Variants in VSX2 observed in about 807,000 individuals in gnomAD.
The protein encoded by VSX2 is ceh-10 homeo domain containing homolog.
Under a neutral mutation model 32.1 loss-of-function variants are expected in VSX2, and 28 were observed. The ratio of observed to expected loss-of-function variants is 0.87; its 90% CI spans 0.65 to 1.20. The LOEUF (loss-of-function observed/expected upper bound fraction) is 1.20. Ranked by LOEUF, VSX2 falls within the 50% of genes most tolerant of loss-of-function variation. The probability of loss-of-function intolerance (pLI) is 0.00; values close to 1 mark genes in which losing one functional copy is unlikely to be tolerated. For synonymous variants in VSX2, 243 were observed against 214.1 expected (o/e 1.14, Z -1.18); for missense variants, 506 against 488.7 (o/e 1.04, Z -0.33).
chr14:74,241,224 C>A lies in VSX2; in HGVS notation c.413C>A (p.Ser138Tyr). ...TCCAGCGATCGAAAAATGTCCAAAT[C>A]TGCTTTAAACCAGACCAAGAAACGG... is the stretch of plus-strand genomic sequence containing the variant. ...VSSSDRKMSKSALNQTKKRKK... is the reference protein window; with the variant it reads ...VSSSDRKMSKYALNQTKKRKK... Residue 138 changes from serine to tyrosine, a missense_variant, in exon 2 of 5, where the codon TCT (serine) becomes TAT (tyrosine). By Grantham distance (144) the Ser-to-Tyr change is moderately radical (BLOSUM62 -2). Coordinates refer to ENST00000261980, the MANE Select transcript of VSX2 (RefSeq NM_182894.3). The A allele has an allele frequency of 6.2e-7, 1 of 1,613,498 alleles. No individual in the cohort carries two copies. Among genetic ancestry groups the A allele is most frequent in the African/African-American group, 1.3e-5 (1 of 75,074 alleles).
intron 3 of VSX2, among the ~76,000 whole-genome samples, chr14:74,255,211 C>T (rs1426879214): frequency 6.6e-6 from 1 of 152,174 alleles, no homozygotes; most frequent in African/African-American, 2.4e-5. Flanking sequence ...CTCAATGCTT[C>T]TGGTAAATAT....
intron 2 of VSX2, among the ~76,000 whole-genome samples, chr14:74,244,915 T>TGAGAGAGAGAAAGAGAGAGAGAAA (rs1426281346): frequency 2.3e-4 from 12 of 53,094 alleles, no homozygotes; most frequent in African/African-American, 2.8e-4. Context: ...TGTGTGTGTG[T>TGAGAGAGAGAAAGAGAGAGAGAAA]GTGTGTGTGT....
chr14:74,241,126 G>C (rs2079147103), intron 1 of VSX2, 56 bp from the exon 2 acceptor site: 4 of 1,583,418 alleles, frequency 2.5e-6, no homozygotes, highest in Non-Finnish European at 1.7e-6. Context: ...CGCGGGTTTC[G>C]GGCACAGCGG....
In VSX2 at chr14:74,241,172, C is replaced by T. The variant is rs1447929423; in HGVS notation, c.371-10C>T. 4 of 1,612,782 alleles carry T rather than the reference C, an allele frequency of 2.5e-6. No individual in the cohort carries two copies. The highest frequency in any genetic ancestry group is 2.7e-5 in the African/African-American group (2 of 74,944). On this transcript the variant is annotated splice_polypyrimidine_tract_variant and intron_variant, in intron 1 of 4. Transcript: ENST00000261980. ...CCACTCTGCCGCATGTCCCTACGCC[C>T]GCTTTTCAGATTCTGAAGATGTTTC... is the stretch of plus-strand genomic sequence containing the variant.
chr14:74,249,475 G>A (rs1284591435), intron 3 of VSX2, among the ~76,000 whole-genome samples: 1 of 152,126 alleles, frequency 6.6e-6, no homozygotes, highest in African/African-American at 2.4e-5. Flanking sequence ...TTGCCACGTT[G>A]GCCAGGCTGG....
In VSX2 at chr14:74,241,755, G is replaced by T. The variant is rs144818906; in HGVS notation, c.455+489G>T. On this transcript the variant is annotated intron_variant, in intron 2 of 4. Transcript: ENST00000261980. ...TCCCACCGTTCTCCAAAGCTGGAGCGATCTCTGCACTGACAGAGCATTTTC... is the reference window on the plus strand; with the variant it reads ...TCCCACCGTTCTCCAAAGCTGGAGCTATCTCTGCACTGACAGAGCATTTTC... 9.2e-5 allele frequency among the ~76,000 whole-genome samples: 14 copies of T among 152,306 alleles called. No individual in the cohort carries two copies. The East Asian group carries it at 2.7e-3, about 29-fold the overall frequency.
chr14:74,245,615 C>T (rs924746861), intron 3 of VSX2, among the ~76,000 whole-genome samples: 9 of 151,900 alleles, frequency 5.9e-5, no homozygotes, highest in East Asian at 3.9e-4. Flanking sequence ...TCTGTTGAGG[C>T]GGAGGTCCCT....
intron 2 of VSX2, among the ~76,000 whole-genome samples, chr14:74,244,037 C>T (rs538679179): frequency 1.3e-5 from 2 of 152,132 alleles, no homozygotes; most frequent in African/African-American, 2.4e-5. Flanking sequence ...CCACCCAAAA[C>T]CTGGTGAAAT....
At chr14:74,247,516 C>T (rs1432734600) in intron 3 of VSX2, among the ~76,000 whole-genome samples, 1 of 152,208 alleles carries the variant, frequency 6.6e-6, no homozygotes. Context: ...CAGATCTGAT[C>T]TTATTAAGTC....
chr14:74,260,932 T>C lies in VSX2; in HGVS notation c.*13T>C. The C allele has an allele frequency of 1.9e-6, 3 of 1,551,330 alleles. No individual in the cohort carries two copies. Among genetic ancestry groups the C allele is most frequent in the Non-Finnish European group, 2.6e-6 (3 of 1,148,192 alleles). ...GGACATGGCTTAGGTCAAGGCGCGC[T>C]CAGATGCCGGAGCCCCAAGACTCTG... On this transcript the variant is annotated 3_prime_UTR_variant, in exon 5 of 5. Coordinates refer to ENST00000261980, the MANE Select transcript of VSX2 (RefSeq NM_182894.3).
chr14:74,243,223 G>GT lies in VSX2; in HGVS notation c.456-1939dup, dbSNP rs537150047. ...CCAGAAACAAACCAGACTTAAAAGC[G>GT]TTTGGGGGGTGGCGTGGGGACAAAG... On this transcript the variant is annotated intron_variant, in intron 2 of 4. Coordinates refer to ENST00000261980, the MANE Select transcript of VSX2 (RefSeq NM_182894.3). 6.2e-4 allele frequency among the ~76,000 whole-genome samples: 94 copies of GT among 152,316 alleles called. 1 individual carries two copies. In the South Asian group the frequency reaches 0.018, roughly 30 times the overall value.
At chr14:74,255,351 A>G (rs1417136369) in intron 3 of VSX2, among the ~76,000 whole-genome samples, 1 of 152,224 alleles carries the variant, frequency 6.6e-6, no homozygotes, top group East Asian at 1.9e-4. Flanking sequence ...ATCCTTGCCA[A>G]CTGTCTTAGA....
At chr14:74,256,669 CTTTTTTTT>C (rs34012116) in intron 3 of VSX2, among the ~76,000 whole-genome samples, 2 of 93,052 alleles carry the variant, frequency 2.1e-5, no homozygotes, top group East Asian at 4.6e-4. Context: ...GGGAGTCATA[CTTTTTTTT>C]TTTTTTTTTT....
chr14:74,254,614 G>A (rs145769145), intron 3 of VSX2, among the ~76,000 whole-genome samples: 556 of 152,186 alleles, frequency 3.7e-3, no homozygotes, highest in Non-Finnish European at 4.8e-3. Context: ...ATGTGAAGGA[G>A]GCCAGAGGGC....
In VSX2 at chr14:74,260,915, C is replaced by T. The variant is rs765427575; in HGVS notation, c.1082C>T (p.Ala361Val). 1.3e-6 allele frequency: 2 copies of T among 1,557,430 alleles called. No homozygotes were observed. The change falls in exon 5 of 5, where the codon GCT becomes GTT. Residue 361 changes from alanine (A) to valine (V), a missense_variant. Physicochemically the swap from Ala to Val is moderately conservative, Grantham distance 64 (BLOSUM62 0). Transcript: ENST00000261980. ...RLSPPQLEDM[A>V] ...AGTCCACCGCAGCTGGAGGACATGG[C>T]TTAGGTCAAGGCGCGCTCAGATGCC...
rs781035795 is a variant in VSX2, at chr14:74,248,334, T to TAAAAA, written c.579+3059_579+3063dup. ...TGAGCCCAGCAGTTTGAGACCAGGC[T>TAAAAA]AAAAAAAAAAAAAAAAACAAAAAAA... is the stretch of plus-strand genomic sequence containing the variant. On this transcript the variant is annotated intron_variant, in intron 3 of 4. Coordinates refer to ENST00000261980, the MANE Select transcript of VSX2 (RefSeq NM_182894.3). 5.0e-3 allele frequency among the ~76,000 whole-genome samples: 420 copies of TAAAAA among 84,552 alleles called. 12 individuals are homozygous for TAAAAA. Among genetic ancestry groups the TAAAAA allele is most frequent in the Middle Eastern group, 0.025 (3 of 120 alleles). The allele number at this position is 84,552 out of a possible 152,430, so 55.5% of individuals were successfully genotyped here.
chr14:74,244,614 C>T (rs1418227344), intron 2 of VSX2, among the ~76,000 whole-genome samples: 2 of 152,106 alleles, frequency 1.3e-5, no homozygotes, highest in Admixed American at 6.6e-5. Flanking sequence ...GCCCAGGAAG[C>T]TGGTCTGGGT....
At chr14:74,240,130 C>T (rs1451219412) in intron 1 of VSX2, among the ~76,000 whole-genome samples, 199 bp downstream of exon 1, 1 of 152,232 alleles carries the variant, frequency 6.6e-6, no homozygotes, top group Admixed American at 6.5e-5. Context: ...GTTTCGGCCC[C>T]AAGCGTTTCG....
At position 74,244,945 on chromosome 14, in the gene VSX2, AGTGTGTGTGT is replaced by A. The variant is rs59905689; in HGVS notation, c.456-192_456-183del. Among the ~76,000 whole-genome samples the A allele has an allele frequency of 2.0e-3, 120 of 60,104 alleles. 1 individual carries two copies. The highest frequency in any genetic ancestry group is 6.9e-3 in the East Asian group (9 of 1,298). 39.4% of individuals were successfully genotyped at this position (60,104 alleles called of 152,430 possible). On this transcript the variant is annotated intron_variant, in intron 2 of 4. Transcript: ENST00000261980. Reference sequence around the variant, plus strand: ...GTGTGTGTGTGAAAGAGAGAGAGAAAGTGTGTGTGTGTGTGTGTGTGTGTGTGTGTGTGTG... The same window carrying A: ...GTGTGTGTGTGAAAGAGAGAGAGAAAGTGTGTGTGTGTGTGTGTGTGTGTG...
Sources: gnomAD v4.1 joint callset for allele counts (sites outside exome capture counted in the v4.1 genomes callset) on GRCh38, gnomAD v4.1.1 for gene constraint, MANE v1.5 for transcripts, NCBI Gene and HGNC (gene_info 2026-07-23, HGNC 2026-07-21) for gene names.